Variants in SPOCK3 observed in about 807,000 individuals in gnomAD.
The protein encoded by SPOCK3 is testican-3.
Under a neutral mutation model 56.6 loss-of-function variants are expected in SPOCK3, and 30 were observed. That is an observed-to-expected ratio of 0.53 (90% CI 0.40 to 0.72). SPOCK3 has a LOEUF of 0.72. SPOCK3 is among the 30% of genes least tolerant of loss of function. SPOCK3 has a pLI of 0.00. For missense variants in SPOCK3, 527 were observed against 530.0 expected, an observed-to-expected ratio of 0.99 and a Z score of 0.06; for synonymous variants, 196 against 183.3, an observed-to-expected ratio of 1.07 and a Z score of -0.56.
At chr4:167,151,860 C>G (rs1014830038) in intron 2 of SPOCK3, among the ~76,000 whole-genome samples, 8 of 152,172 alleles carry the variant, frequency 5.3e-5, no homozygotes, top group Admixed American at 5.2e-4. Context: ...TCATATTCAG[C>G]AGCTGTATGG....
intron 3 of SPOCK3, among the ~76,000 whole-genome samples, chr4:167,005,169 C>T (rs1441693224): frequency 1.3e-5 from 2 of 152,064 alleles, no homozygotes; most frequent in East Asian, 1.9e-4. Flanking sequence ...AGGTTTTACA[C>T]ATACTGAGAA....
chr4:166,956,622 G>A (rs1416813884), intron 4 of SPOCK3, among the ~76,000 whole-genome samples: 3 of 152,136 alleles, frequency 2.0e-5, no homozygotes, highest in Non-Finnish European at 4.4e-5. Flanking sequence ...TTGGAATGCA[G>A]TTGAAAATGG....
intron 6 of SPOCK3, among the ~76,000 whole-genome samples, chr4:166,863,359 T>C (rs188747818): frequency 1.3e-5 from 2 of 151,868 alleles, no homozygotes; most frequent in East Asian, 3.9e-4. Flanking sequence ...CCAATGACAT[T>C]ATAAAGAAAT....
chr4:166,836,923 A>G (rs1450189943), intron 6 of SPOCK3, among the ~76,000 whole-genome samples: 1 of 152,158 alleles, frequency 6.6e-6, no homozygotes, highest in Middle Eastern at 3.2e-3. Context: ...GTAATTTTCC[A>G]TTCATTAACT....
At chr4:166,987,479 C>T (rs1747295676) in intron 4 of SPOCK3, among the ~76,000 whole-genome samples, 4 of 152,200 alleles carry the variant, frequency 2.6e-5, no homozygotes, top group Admixed American at 2.0e-4. Flanking sequence ...TCTTCCACTC[C>T]AAAATGTGAA....
chr4:166,750,411 A>G (rs2198736), intron 8 of SPOCK3, among the ~76,000 whole-genome samples: 120,151 of 152,038 alleles, frequency 0.79, 47,723 homozygotes, highest in South Asian at 0.82. Flanking sequence ...AATTCCCCCA[A>G]TGTGTTTGCT....
intron 2 of SPOCK3, among the ~76,000 whole-genome samples, chr4:167,094,655 C>T (rs570386381): frequency 5.3e-5 from 8 of 152,048 alleles, no homozygotes; most frequent in Admixed American, 2.6e-4. Flanking sequence ...TCCACAGGAA[C>T]GCGAGAGTTA....
intron 2 of SPOCK3, 75 bp downstream of exon 2, chr4:167,233,910 C>T (rs1020252743): frequency 3.0e-6 from 4 of 1,328,228 alleles, no homozygotes; most frequent in South Asian, 1.3e-5. Context: ...ACTCCCCACC[C>T]ACATCCGGCG....
At chr4:166,905,559 T>A (rs970129746) in intron 5 of SPOCK3, among the ~76,000 whole-genome samples, 1 of 152,002 alleles carries the variant, frequency 6.6e-6, no homozygotes, top group Non-Finnish European at 1.5e-5. Flanking sequence ...ACTTCATACC[T>A]AATGTTGAAA....
intron 4 of SPOCK3, among the ~76,000 whole-genome samples, chr4:166,990,922 A>C (rs933112108): frequency 6.6e-6 from 1 of 152,164 alleles, no homozygotes; most frequent in Non-Finnish European, 1.5e-5. Flanking sequence ...AGATTATTAA[A>C]AACAGAAATA....
chr4:166,946,216 C>T (rs1032969086), intron 4 of SPOCK3, among the ~76,000 whole-genome samples: 1 of 152,084 alleles, frequency 6.6e-6, no homozygotes, highest in South Asian at 2.1e-4. Flanking sequence ...GTTCTTGATA[C>T]AGTTGCCAGA....
intron 8 of SPOCK3, among the ~76,000 whole-genome samples, chr4:166,744,269 A>T (rs1340375096): frequency 6.6e-6 from 1 of 152,150 alleles, no homozygotes; most frequent in African/African-American, 2.4e-5. Context: ...CAGAGGAAGG[A>T]TCAGGCAGCA....
intron 6 of SPOCK3, among the ~76,000 whole-genome samples, chr4:166,821,503 T>C (rs145606139): frequency 4.6e-5 from 7 of 152,224 alleles, no homozygotes; most frequent in African/African-American, 7.2e-5. Flanking sequence ...AGCAGTATTA[T>C]TGACAACAAC....
chr4:166,807,579 C>T (rs1743312274), intron 6 of SPOCK3, among the ~76,000 whole-genome samples: 1 of 152,062 alleles, frequency 6.6e-6, no homozygotes. Flanking sequence ...AAGTCAAGAC[C>T]ACTGCTGCCA....
chr4:166,948,422 T>C (rs1198875597), intron 4 of SPOCK3, among the ~76,000 whole-genome samples: 1 of 152,202 alleles, frequency 6.6e-6, no homozygotes, highest in Admixed American at 6.5e-5. Context: ...TTTATATTTT[T>C]TTGAGGAATC....
intron 6 of SPOCK3, among the ~76,000 whole-genome samples, chr4:166,825,657 G>A (rs1323319098): frequency 6.6e-6 from 1 of 151,856 alleles, no homozygotes; most frequent in African/African-American, 2.4e-5. Flanking sequence ...CAACCAAAGT[G>A]GTATATTCAG....
At chr4:166,907,779 A>T (rs1483987712) in intron 5 of SPOCK3, among the ~76,000 whole-genome samples, 4 of 152,038 alleles carry the variant, frequency 2.6e-5, no homozygotes, top group Non-Finnish European at 4.4e-5. Context: ...TTTATGATAA[A>T]TTTCATTCAT....
intron 6 of SPOCK3, among the ~76,000 whole-genome samples, chr4:166,858,814 C>G (rs144399416): frequency 0.018 from 2,740 of 152,182 alleles, 42 homozygotes; most frequent in Non-Finnish European, 0.026. Context: ...TTTCTTCCTG[C>G]TCACTGTTGG....
chr4:167,168,952 C>T (rs780354418), intron 2 of SPOCK3, among the ~76,000 whole-genome samples: 2 of 152,160 alleles, frequency 1.3e-5, no homozygotes, highest in African/African-American at 2.4e-5. Context: ...CCAAGGTACA[C>T]ATTGGGCCAT....
Sources: allele counts gnomAD v4.1 joint callset (sites outside exome capture counted in the v4.1 genomes callset), GRCh38; gene constraint gnomAD v4.1.1; transcripts MANE v1.5; gene names NCBI Gene and HGNC (gene_info 2026-07-23, HGNC 2026-07-21).